The following RANBP17 variants were observed in gnomAD, a reference collection of about 807,000 sequenced individuals.
The protein encoded by RANBP17 is ran-binding protein 17.
In RANBP17, 158 loss-of-function variants were observed where a neutral mutation model predicts 141.2. That is an observed-to-expected ratio of 1.12 (90% CI 0.98 to 1.28). The LOEUF (loss-of-function observed/expected upper bound fraction) is 1.28, where lower values mean the gene tolerates loss of function less well. RANBP17 is among the 50% of genes most tolerant of loss of function. RANBP17 has a pLI of 0.00. For synonymous variants in RANBP17, 430 were observed against 450.0 expected (o/e 0.96, Z 0.56); for missense variants, 1,438 against 1,290.7 (o/e 1.11, Z -1.75).
intron 3 of RANBP17, among the ~76,000 whole-genome samples, chr5:170,884,411 T>C (rs1443193414): frequency 1.3e-5 from 2 of 152,356 alleles, no homozygotes; most frequent in Admixed American, 6.5e-5. Flanking sequence ...ATATGTGTTA[T>C]ATACTATATT....
At chr5:170,879,289 C>G (rs928999958) in intron 2 of RANBP17, among the ~76,000 whole-genome samples, 1 of 152,030 alleles carries the variant, frequency 6.6e-6, no homozygotes, top group Non-Finnish European at 1.5e-5. Flanking sequence ...TGATATTTGC[C>G]TTTTAGCATG....
chr5:171,155,781 TTCA>T (rs1758855609), intron 14 of RANBP17, among the ~76,000 whole-genome samples: 1 of 152,170 alleles, frequency 6.6e-6, no homozygotes, highest in South Asian at 2.1e-4. Context: ...TGAAGCATTG[TTCA>T]TCATGCATAA....
intron 14 of RANBP17, among the ~76,000 whole-genome samples, chr5:171,129,975 G>A (rs1247825959): frequency 2.0e-5 from 3 of 152,142 alleles, no homozygotes; most frequent in African/African-American, 7.2e-5. Flanking sequence ...TGCAACGTGA[G>A]AAAAGAAAAT....
Position 171,242,689 on chromosome 5 carries a change from GGAAAC to G in RANBP17, c.2646_2650del (p.Lys883GlufsTer42). The G allele has an allele frequency of 6.2e-7, 1 of 1,613,150 alleles. No homozygotes were observed. Among genetic ancestry groups the G allele is most frequent in the South Asian group, 1.1e-5 (1 of 90,868 alleles). On this transcript the variant is annotated frameshift_variant, in exon 24 of 28. Coordinates refer to ENST00000523189, the MANE Select transcript of RANBP17 (RefSeq NM_022897.5). LOFTEE classifies it high-confidence loss of function. ...TATATCTCTGTGTTGTAGCAATACCGGAAACTGAGCCAGTCTTATTATCCACTCCT... is the reference window on the plus strand; with the variant it reads ...TATATCTCTGTGTTGTAGCAATACCGTGAGCCAGTCTTATTATCCACTCCT...
At chr5:171,239,824 A>G (rs1764752940) in intron 22 of RANBP17, among the ~76,000 whole-genome samples, 1 of 152,200 alleles carries the variant, frequency 6.6e-6, no homozygotes, top group Non-Finnish European at 1.5e-5. Context: ...AGACACAAAC[A>G]GGACAAGGAA....
At chr5:171,274,111 A>AGTGTGTGTGTGTGTGTGT (rs372324815) in intron 25 of RANBP17, among the ~76,000 whole-genome samples, 1 of 143,114 alleles carries the variant, frequency 7.0e-6, no homozygotes, top group Non-Finnish European at 1.5e-5. Context: ...AGTTTGATCA[A>AGTGTGTGTGTGTGTGTGT]GTGTGTGTGT....
intron 14 of RANBP17, among the ~76,000 whole-genome samples, chr5:171,080,649 C>T (rs970006047): frequency 1.3e-5 from 2 of 152,104 alleles, no homozygotes; most frequent in African/African-American, 4.8e-5. Flanking sequence ...CACCAGAAAT[C>T]AATAGGGTTT....
At chr5:171,088,148 A>G (rs1785844687) in intron 14 of RANBP17, among the ~76,000 whole-genome samples, 1 of 151,632 alleles carries the variant, frequency 6.6e-6, no homozygotes, top group Non-Finnish European at 1.5e-5. Context: ...GAGCTCTTTT[A>G]GGGCAGGCCT....
chr5:171,213,393 G>A (rs1009996237), intron 20 of RANBP17, among the ~76,000 whole-genome samples: 5 of 151,994 alleles, frequency 3.3e-5, no homozygotes, highest in Non-Finnish European at 5.9e-5. Context: ...GTAATATAAC[G>A]TGTAGGACAT....
intron 22 of RANBP17, among the ~76,000 whole-genome samples, chr5:171,231,731 C>G (rs921546385): frequency 6.6e-5 from 10 of 151,950 alleles, no homozygotes; most frequent in African/African-American, 2.4e-4. Context: ...TTTTCGGTTA[C>G]TTGGTATGGC....
intron 7 of RANBP17, among the ~76,000 whole-genome samples, chr5:170,911,928 A>G (rs1771560428): frequency 6.6e-6 from 1 of 151,858 alleles, no homozygotes; most frequent in Admixed American, 6.6e-5. Context: ...TGTACTCTGA[A>G]CAGTTAAACT....
rs185457821 is a variant in RANBP17, at chr5:170,964,321, A to G, written c.1575-3921A>G. On this transcript the variant is annotated intron_variant, in intron 13 of 27. Transcript: ENST00000523189. ...ACAGCAAAAAATTATAAACAACCTT[A>G]GTGTCCATCAATAGGGGAATGTTTG... Among the ~76,000 whole-genome samples the G allele has an allele frequency of 1.3e-3, 203 of 152,302 alleles. 1 individual carries two copies. The highest frequency in any genetic ancestry group is 4.8e-3 in the African/African-American group (198 of 41,580).
chr5:170,879,668 C>A (rs1768496671), intron 2 of RANBP17, among the ~76,000 whole-genome samples: 3 of 152,024 alleles, frequency 2.0e-5, no homozygotes, highest in Admixed American at 2.0e-4. Context: ...AGTTCCAAAG[C>A]CATTTCGTGT....
Position 170,919,548 on chromosome 5 carries a change from T to A in RANBP17, c.1209T>A (p.Thr403=). Residue 403 remains threonine, a synonymous_variant, in exon 11 of 28, where the codon ACT becomes ACA. Coordinates refer to ENST00000523189, the MANE Select transcript of RANBP17 (RefSeq NM_022897.5). Reference sequence around the variant, plus strand: ...CAACTGAACCCCACCTATTAGACACTTATGCACCAGAAATCACGAAGGCCT... The same window carrying A: ...CAACTGAACCCCACCTATTAGACACATATGCACCAGAAATCACGAAGGCCT... ...VKSTEPHLLD[T]YAPEITKAFI... 1 of 1,612,040 alleles carries A rather than the reference T, an allele frequency of 6.2e-7. No individual in the cohort carries two copies. The highest frequency in any genetic ancestry group is 2.2e-5 in the East Asian group (1 of 44,774).
intron 14 of RANBP17, among the ~76,000 whole-genome samples, chr5:170,994,053 GT>G (rs1229467367): frequency 2.6e-5 from 4 of 151,922 alleles, no homozygotes; most frequent in Admixed American, 2.0e-4. Flanking sequence ...AACCTTTTCT[GT>G]GGGAAATACC....
intron 25 of RANBP17, among the ~76,000 whole-genome samples, chr5:171,281,794 G>C (rs1157132039): frequency 1.3e-5 from 2 of 152,194 alleles, no homozygotes; most frequent in Non-Finnish European, 2.9e-5. Flanking sequence ...ACAGGTGAAA[G>C]AAACCTTGTA....
In RANBP17 at chr5:171,086,854, T is replaced by G. The variant is rs1198468731; in HGVS notation, c.1711-83276T>G. 3.4e-5 allele frequency among the ~76,000 whole-genome samples: 5 copies of G among 147,790 alleles called. No individual in the cohort carries two copies. The South Asian group carries it at 1.1e-3, about 33-fold the overall frequency. On this transcript the variant is annotated intron_variant, in intron 14 of 27. Coordinates refer to ENST00000523189, the MANE Select transcript of RANBP17 (RefSeq NM_022897.5). Reference sequence around the variant, plus strand: ...TTGTGTCTATTTGATTCTTCTCTCTTTTTTTCTTCATTAGTCTTGCTAGCG... The same window carrying G: ...TTGTGTCTATTTGATTCTTCTCTCTGTTTTTCTTCATTAGTCTTGCTAGCG...
At chr5:171,234,091 C>G (rs1370500685) in intron 22 of RANBP17, among the ~76,000 whole-genome samples, 1 of 151,636 alleles carries the variant, frequency 6.6e-6, no homozygotes, top group African/African-American at 2.4e-5. Flanking sequence ...TCTTAAGTAC[C>G]AGGGATTTAG....
chr5:171,169,605 T>C (rs2127879309), intron 14 of RANBP17, among the ~76,000 whole-genome samples: 1 of 152,310 alleles, frequency 6.6e-6, no homozygotes, highest in African/African-American at 2.4e-5. Flanking sequence ...CGTACCTGTA[T>C]ATTTGGGGAA....
Sources: allele counts gnomAD v4.1 joint callset (sites outside exome capture counted in the v4.1 genomes callset), GRCh38; gene constraint gnomAD v4.1.1; transcripts MANE v1.5; gene names NCBI Gene and HGNC (gene_info 2026-07-23, HGNC 2026-07-21).